Variants in GPATCH2L observed in about 807,000 individuals in gnomAD.
GPATCH2L encodes the protein G-patch domain containing 2 like.
Under a neutral mutation model 57.4 loss-of-function variants are expected in GPATCH2L, and 31 were observed. That is an observed-to-expected ratio of 0.54 (90% confidence interval 0.41 to 0.73). The LOEUF (loss-of-function observed/expected upper bound fraction) is 0.73, where lower values mean the gene tolerates loss of function less well. GPATCH2L is among the 30% of genes least tolerant of loss of function. GPATCH2L has a pLI of 0.00. For missense variants in GPATCH2L, 481 were observed against 599.9 expected (o/e 0.80, Z 2.07); for synonymous variants, 199 against 210.7 (o/e 0.94, Z 0.48).
intron 2 of GPATCH2L, among the ~76,000 whole-genome samples, chr14:76,166,398 A>G (rs2038838867): frequency 6.6e-6 from 1 of 152,202 alleles, no homozygotes; most frequent in Non-Finnish European, 1.5e-5. Context: ...TTTGAGCTTT[A>G]ATAGCTTTCT....
chr14:76,232,398 C>T (rs2040576337), intron 2 of GPATCH2L, among the ~76,000 whole-genome samples: 1 of 152,170 alleles, frequency 6.6e-6, no homozygotes, highest in Non-Finnish European at 1.5e-5. Flanking sequence ...CTCCTGGGTT[C>T]AAGCGATTCT....
rs1330709223 is a variant in GPATCH2L, at chr14:76,213,333, A to C, written c.*11482A>C. 1 of 152,204 alleles carries C rather than the reference A, an allele frequency of 6.6e-6. No individual in the cohort carries two copies. Among genetic ancestry groups the C allele is most frequent in the Non-Finnish European group, 1.5e-5 (1 of 68,032 alleles). The allele number at this position is 152,204 out of a possible 1,614,324, so 9.4% of individuals were successfully genotyped here. A position where few individuals can be genotyped will look rare whatever the true frequency, so the allele number is the denominator to read the frequency against. ...TTCCAGGAAGGTATAGTTTGCCAAA[A>C]AATGACATCAAAAGAAATCTAATAT... On this transcript the variant is annotated 3_prime_UTR_variant, in exon 10 of 10. Coordinates refer to ENST00000261530, the MANE Select transcript of GPATCH2L (RefSeq NM_017926.4).
At chr14:76,191,153 C>T (rs1177992772) in intron 8 of GPATCH2L, among the ~76,000 whole-genome samples, 1 of 152,046 alleles carries the variant, frequency 6.6e-6, no homozygotes, top group Non-Finnish European at 1.5e-5. Context: ...TGCATTTGTG[C>T]TTTTGTCCCT....
intron 8 of GPATCH2L, among the ~76,000 whole-genome samples, chr14:76,185,496 G>T (rs898951455): frequency 2.8e-4 from 42 of 152,094 alleles, no homozygotes; most frequent in African/African-American, 9.9e-4. Context: ...CTACATACAG[G>T]TCAGTTGCAT....
In GPATCH2L at chr14:76,209,254, C is replaced by G. The variant is rs2040413999; in HGVS notation, c.*7403C>G. 6.6e-6 allele frequency: 1 copy of G among 152,404 alleles called. No individual in the cohort carries two copies. Among genetic ancestry groups the G allele is most frequent in the African/African-American group, 2.4e-5 (1 of 41,570 alleles). The allele number at this position is 152,404 out of a possible 1,614,324, so 9.4% of individuals were successfully genotyped here. On this transcript the variant is annotated 3_prime_UTR_variant, in exon 10 of 10. Transcript: ENST00000261530. Reference sequence around the variant, plus strand: ...ACTGGATGCCGGTCTCTGCCGCCACCTCCGTTATTTCAGTGAACACCTGTA... The same window carrying G: ...ACTGGATGCCGGTCTCTGCCGCCACGTCCGTTATTTCAGTGAACACCTGTA...
chr14:76,154,780 G>A lies in GPATCH2L; in HGVS notation c.417G>A (p.Val139=). ...RRKVKRVTSE[V]AASLQQKLKV... is the part of the protein sequence containing the mutation. ...AGGTGAAGCGAGTGACATCAGAGGT[G>A]GCTGCTAGCCTTCAGCAGAAGCTGA... Residue 139 remains valine, a synonymous_variant, in exon 2 of 10, where the codon GTG becomes GTA. Transcript: ENST00000261530. This position sits in a 1 kb window ranked among gnomAD's most constrained non-coding sequence, Gnocchi z 4.4. The A allele has an allele frequency of 6.2e-7, 1 of 1,614,212 alleles. No homozygotes were observed.
chr14:76,180,881 C>T, intron 8 of GPATCH2L, 32 bp downstream of exon 8: 1 of 1,253,914 alleles, frequency 8.0e-7, no homozygotes, highest in Non-Finnish European at 1.2e-6. Context: ...TTATTTGCTT[C>T]TGGACAATAC....
chr14:76,200,226 G>A (rs2040275572), intron 9 of GPATCH2L, among the ~76,000 whole-genome samples: 3 of 152,176 alleles, frequency 2.0e-5, no homozygotes, highest in Non-Finnish European at 4.4e-5. Context: ...TTGAGATGAT[G>A]AAAAAGTCCT....
At chr14:76,193,406 T>C (rs943029924) in intron 8 of GPATCH2L, among the ~76,000 whole-genome samples, 3 of 152,174 alleles carry the variant, frequency 2.0e-5, no homozygotes, top group Admixed American at 6.6e-5. Context: ...TCAGCTCAAG[T>C]TGATACTCCA....
intron 3 of GPATCH2L, among the ~76,000 whole-genome samples, chr14:76,169,743 A>G (rs2039002645): frequency 6.6e-6 from 1 of 152,212 alleles, no homozygotes. Context: ...TAAATATACT[A>G]TTTCAATAAA....
chr14:76,228,187 G>C (rs1240585748), intron 1 of GPATCH2L, among the ~76,000 whole-genome samples: 1 of 152,150 alleles, frequency 6.6e-6, no homozygotes, highest in African/African-American at 2.4e-5. Context: ...CCATTTAAAA[G>C]ATAATAAAGT....
chr14:76,219,106 T>C (rs2139860419), downstream of GPATCH2L, among the ~76,000 whole-genome samples: 2 of 151,794 alleles, frequency 1.3e-5, no homozygotes, highest in Admixed American at 1.3e-4. Flanking sequence ...AAAAGATTGC[T>C]GGATTAGACT....
chr14:76,181,047 T>C (rs903946707), intron 8 of GPATCH2L, among the ~76,000 whole-genome samples, 198 bp downstream of exon 8: 16 of 152,218 alleles, frequency 1.1e-4, no homozygotes, highest in African/African-American at 3.9e-4. Context: ...GGCTAGTATG[T>C]GATTAAGTCT....
At chr14:76,172,073 A>G in intron 4 of GPATCH2L, 54 bp downstream of exon 4, 5 of 1,148,742 alleles carry the variant, frequency 4.4e-6, no homozygotes, top group Non-Finnish European at 6.2e-6. Flanking sequence ...CCTTGGGCAG[A>G]GCAATCACCC....
chr14:76,153,411 G>T (rs1263430356), intron 1 of GPATCH2L, among the ~76,000 whole-genome samples: 3 of 152,230 alleles, frequency 2.0e-5, no homozygotes, highest in African/African-American at 7.2e-5. Flanking sequence ...TGTCTCTGAA[G>T]TGACCCCTGA....
chr14:76,227,461 G>A (rs1010123649), intron 1 of GPATCH2L, among the ~76,000 whole-genome samples: 1 of 152,154 alleles, frequency 6.6e-6, no homozygotes, highest in Admixed American at 6.5e-5. Flanking sequence ...GTGACCAGCC[G>A]ATGGGGTAGA....
At chr14:76,215,413 T>C (rs1433469720), downstream of GPATCH2L, among the ~76,000 whole-genome samples, 2 of 151,980 alleles carry the variant, frequency 1.3e-5, no homozygotes, top group Non-Finnish European at 2.9e-5. Context: ...ATCCCATTAC[T>C]GGGTATATAC....
At chr14:76,167,747 A>ATG (rs879790088) in intron 3 of GPATCH2L, among the ~76,000 whole-genome samples, 3 of 152,000 alleles carry the variant, frequency 2.0e-5, no homozygotes, top group Non-Finnish European at 4.4e-5. Flanking sequence ...ATTAGAGATT[A>ATG]TGTGTGTGTG....
At chr14:76,161,516 A>C (rs1320238748) in intron 2 of GPATCH2L, among the ~76,000 whole-genome samples, 1 of 152,182 alleles carries the variant, frequency 6.6e-6, no homozygotes, top group Non-Finnish European at 1.5e-5. Context: ...TTCTCACTTT[A>C]CAGTCTTCTG....
Sources: allele counts gnomAD v4.1 joint callset (sites outside exome capture counted in the v4.1 genomes callset), GRCh38; gene constraint gnomAD v4.1.1; non-coding constraint Gnocchi (gnomAD v3.1); transcripts MANE v1.5; gene names NCBI Gene and HGNC (gene_info 2026-07-23, HGNC 2026-07-21).